ITFG1: variants seen among roughly 807,000 people sequenced by gnomAD.
The protein encoded by ITFG1 is integrin alpha FG-GAP repeat containing 1.
A neutral mutation model predicts 81.8 loss-of-function variants in ITFG1; 34 were observed. That is an observed-to-expected ratio of 0.42 (90% CI 0.32 to 0.55). The LOEUF (loss-of-function observed/expected upper bound fraction) is 0.55. ITFG1 is among the 20% of genes least tolerant of loss of function. ITFG1 has a pLI of 0.17. For synonymous variants in ITFG1, 285 were observed against 270.6 expected (o/e 1.05, Z -0.52); for missense variants, 672 against 755.4 (o/e 0.89, Z 1.29).
At chr16:47,413,914 G>T (rs942000371) in intron 6 of ITFG1, among the ~76,000 whole-genome samples, 2 of 151,916 alleles carry the variant, frequency 1.3e-5, no homozygotes, top group Non-Finnish European at 2.9e-5. Flanking sequence ...TCTGCCTCCC[G>T]GGTTCAAGTG....
intron 6 of ITFG1, among the ~76,000 whole-genome samples, chr16:47,399,565 T>C (rs1350003402): frequency 2.0e-5 from 3 of 148,754 alleles, no homozygotes; most frequent in African/African-American, 4.9e-5. Context: ...AGAGCGAGAC[T>C]CCGTCTCAAA....
intron 8 of ITFG1, among the ~76,000 whole-genome samples, chr16:47,329,962 T>C (rs1165500589): frequency 2.0e-5 from 3 of 152,110 alleles, no homozygotes. Flanking sequence ...TCAAAGACAG[T>C]TGCTTTTACA....
intron 6 of ITFG1, among the ~76,000 whole-genome samples, chr16:47,401,726 CTT>C (rs1398565521): frequency 6.6e-6 from 1 of 152,088 alleles, no homozygotes; most frequent in African/African-American, 2.4e-5. Context: ...GCAAAGCACT[CTT>C]TATGTGTTTG....
chr16:47,348,763 T>G (rs1241634080), intron 8 of ITFG1, among the ~76,000 whole-genome samples: 1 of 152,108 alleles, frequency 6.6e-6, no homozygotes, highest in Non-Finnish European at 1.5e-5. Context: ...AATTGTTAGA[T>G]TCACCAAAGT....
At position 47,161,756 on chromosome 16, in the gene ITFG1, G is replaced by C. The variant is rs1353897275; in HGVS notation, c.1655C>G (p.Pro552Arg). 2 of 1,604,592 alleles carry C rather than the reference G, an allele frequency of 1.2e-6. No individual in the cohort carries two copies. Among genetic ancestry groups the C allele is most frequent in the Non-Finnish European group, 1.7e-6 (2 of 1,171,686 alleles). ...GTTCAAGCAAGTACATTACCTTCGA[G>C]GGACATTGTGAGGGTATGGAATGAC... ...LIVIPYPHNVPRSWSAKLYLT... is the reference protein window; with the variant it reads ...LIVIPYPHNVRRSWSAKLYLT... The change falls in exon 16 of 18, where the codon CCT becomes CGT. Residue 552 changes from proline (P) to arginine (R), a missense_variant. By Grantham distance (103) the Pro-to-Arg change is moderately radical. Around this residue, in one of 3 missense-constraint regions of ITFG1, gnomAD observed 65 missense variants for 103.3 expected, o/e 0.63. Coordinates refer to ENST00000320640, the MANE Select transcript of ITFG1 (RefSeq NM_030790.5).
intron 9 of ITFG1, chr16:47,312,870 C>T (rs887098217): frequency 2.8e-4 from 43 of 152,226 alleles, no homozygotes; most frequent in African/African-American, 1.0e-3. Context: ...AATATTCTTA[C>T]AGTAGTCTGT....
intron 12 of ITFG1, 31 bp from the exon 13 acceptor site, chr16:47,238,039 A>C: frequency 7.6e-7 from 1 of 1,313,580 alleles, no homozygotes; most frequent in Non-Finnish European, 1.1e-6. Context: ...AATTATTACT[A>C]TTATAAGTTT....
At chr16:47,157,381 T>C (rs1311064454) in intron 17 of ITFG1, among the ~76,000 whole-genome samples, 1 of 152,194 alleles carries the variant, frequency 6.6e-6, no homozygotes, top group East Asian at 1.9e-4. Context: ...AGGTTCTACC[T>C]CTTTGAGATA....
At chr16:47,435,491 T>C (rs562503614) in intron 5 of ITFG1, among the ~76,000 whole-genome samples, 2 of 152,356 alleles carry the variant, frequency 1.3e-5, no homozygotes, top group South Asian at 4.1e-4. Context: ...AGTTTTCTAA[T>C]TTGTGGGCAT....
chr16:47,443,204 T>A (rs1969277320), intron 5 of ITFG1, among the ~76,000 whole-genome samples: 1 of 152,136 alleles, frequency 6.6e-6, no homozygotes, highest in African/African-American at 2.4e-5. Flanking sequence ...TGAGATACCA[T>A]TTCATACCAG....
intron 14 of ITFG1, among the ~76,000 whole-genome samples, chr16:47,180,154 C>T (rs989322826): frequency 6.6e-6 from 1 of 152,092 alleles, no homozygotes; most frequent in Non-Finnish European, 1.5e-5. Context: ...TAGATGTCTG[C>T]TATAATAAAC....
chr16:47,304,039 A>G (rs1967119604), intron 10 of ITFG1, among the ~76,000 whole-genome samples: 1 of 152,232 alleles, frequency 6.6e-6, no homozygotes, highest in Non-Finnish European at 1.5e-5. Context: ...AGATTGATAC[A>G]TTTTAACTTA....
chr16:47,421,430 G>A (rs1350394979), intron 6 of ITFG1, among the ~76,000 whole-genome samples: 1 of 151,874 alleles, frequency 6.6e-6, no homozygotes, highest in Non-Finnish European at 1.5e-5. Context: ...TCAGGCTCCT[G>A]AGTAGCTGGG....
At chr16:47,163,054 G>A (rs571375887) in intron 14 of ITFG1, among the ~76,000 whole-genome samples, 5 of 152,114 alleles carry the variant, frequency 3.3e-5, no homozygotes, top group African/African-American at 7.2e-5. Flanking sequence ...CCCCTGCCTC[G>A]GGCTCTCAAA....
chr16:47,354,925 T>C (rs1968017635), intron 8 of ITFG1, among the ~76,000 whole-genome samples: 1 of 152,082 alleles, frequency 6.6e-6, no homozygotes. Flanking sequence ...CAGGGAACCC[T>C]GACATATTGT....
At chr16:47,224,137 A>G (rs970374478) in intron 13 of ITFG1, among the ~76,000 whole-genome samples, 1 of 152,110 alleles carries the variant, frequency 6.6e-6, no homozygotes, top group African/African-American at 2.4e-5. Flanking sequence ...TGGGTGCAGC[A>G]CACCAGCATG....
chr16:47,438,910 C>T (rs1238347350), intron 5 of ITFG1, among the ~76,000 whole-genome samples: 1 of 151,918 alleles, frequency 6.6e-6, no homozygotes, highest in African/African-American at 2.4e-5. Context: ...AAGTTTGAAC[C>T]AATGGCAAAG....
intron 8 of ITFG1, among the ~76,000 whole-genome samples, chr16:47,361,981 A>T (rs1464443478): frequency 6.6e-6 from 1 of 152,110 alleles, no homozygotes; most frequent in African/African-American, 2.4e-5. Context: ...GCTAAATGTG[A>T]TGGCTTTGTT....
At chr16:47,248,778 G>A (rs1416523402) in intron 12 of ITFG1, among the ~76,000 whole-genome samples, 1 of 152,136 alleles carries the variant, frequency 6.6e-6, no homozygotes, top group African/African-American at 2.4e-5. Flanking sequence ...AGGTTTATGG[G>A]TGAAGTGAAA....
Sources: allele counts gnomAD v4.1 joint callset (sites outside exome capture counted in the v4.1 genomes callset), GRCh38; gene constraint gnomAD v4.1.1; regional missense constraint gnomAD v4.1.1; transcripts MANE v1.5; gene names NCBI Gene and HGNC (gene_info 2026-07-23, HGNC 2026-07-21).